The following HEMK2 variants were observed in gnomAD, a reference collection of about 807,000 sequenced individuals.
HEMK2 encodes methyltransferase HEMK2.
At chr21:28,604,127 T>C in the HEMK2 span, among the ~76,000 whole-genome samples, 1 of 152,180 alleles carries the variant, frequency 6.6e-6, no homozygotes, top group Non-Finnish European at 1.5e-5. Flanking sequence ...TCACACAATG[T>C]TTTGGTGCAA....
At chr21:28,797,809 C>T in the HEMK2 span, among the ~76,000 whole-genome samples, 1 of 152,140 alleles carries the variant, frequency 6.6e-6, no homozygotes, top group East Asian at 1.9e-4. Flanking sequence ...AAGGTACTGC[C>T]TGTTGTTGCT....
chr21:28,850,217 CTTTTTTTTTTTT>C, the HEMK2 span, among the ~76,000 whole-genome samples: 4 of 94,440 alleles, frequency 4.2e-5, no homozygotes, highest in South Asian at 1.4e-3. Context: ...ATTCAGCATT[CTTTTTTTTTTTT>C]TTTTTTTTTT....
At chr21:28,608,443 G>T in the HEMK2 span, among the ~76,000 whole-genome samples, 1 of 151,700 alleles carries the variant, frequency 6.6e-6, no homozygotes, top group South Asian at 2.1e-4. Flanking sequence ...TAGGAGGTAG[G>T]ACTAAATTGC....
At chr21:28,880,609 G>A in the HEMK2 span, among the ~76,000 whole-genome samples, 1 of 152,032 alleles carries the variant, frequency 6.6e-6, no homozygotes, top group Non-Finnish European at 1.5e-5. Flanking sequence ...CGGGCACAGT[G>A]GTGGGTGCCT....
the HEMK2 span, among the ~76,000 whole-genome samples, chr21:28,600,073 G>A: frequency 3.9e-5 from 6 of 152,226 alleles, no homozygotes; most frequent in African/African-American, 1.4e-4. Flanking sequence ...GGTGCACAGT[G>A]CAAGCTGCAG....
the HEMK2 span, among the ~76,000 whole-genome samples, chr21:28,749,974 T>C: frequency 6.6e-6 from 1 of 152,250 alleles, no homozygotes; most frequent in African/African-American, 2.4e-5. Context: ...TTAAGTCAGT[T>C]GTTTTGTCAT....
chr21:28,820,461 C>T, the HEMK2 span, among the ~76,000 whole-genome samples: 1 of 152,180 alleles, frequency 6.6e-6, no homozygotes, highest in African/African-American at 2.4e-5. Context: ...ACCTTGACTG[C>T]TCTGTGGGCC....
chr21:28,824,921 G>GC, the HEMK2 span, among the ~76,000 whole-genome samples: 7,463 of 152,180 alleles, frequency 0.049, 249 homozygotes, highest in Middle Eastern at 0.1. Flanking sequence ...CTCCCAGTTT[G>GC]CCCAGAATGT....
chr21:28,715,837 C>A, the HEMK2 span, among the ~76,000 whole-genome samples: 68 of 152,262 alleles, frequency 4.5e-4, no homozygotes, highest in African/African-American at 1.6e-3. Flanking sequence ...AGGCAGTGGT[C>A]CAGTTTCATT....
At chr21:28,812,659 G>A in the HEMK2 span, among the ~76,000 whole-genome samples, 1 of 152,218 alleles carries the variant, frequency 6.6e-6, no homozygotes. Context: ...CATAAAATGA[G>A]TTAGGGAGGA....
At chr21:28,850,096 G>C in the HEMK2 span, among the ~76,000 whole-genome samples, 1 of 151,790 alleles carries the variant, frequency 6.6e-6, no homozygotes, top group Non-Finnish European at 1.5e-5. Context: ...AAGAAAAAAT[G>C]TTAAAGACAG....
chr21:28,595,914 A>C, the HEMK2 span, among the ~76,000 whole-genome samples: 5 of 151,828 alleles, frequency 3.3e-5, no homozygotes, highest in African/African-American at 9.7e-5. Flanking sequence ...CCTCCCAAGT[A>C]GCTGGGACTA....
the HEMK2 span, among the ~76,000 whole-genome samples, chr21:28,661,520 C>G: frequency 6.6e-6 from 1 of 152,004 alleles, no homozygotes; most frequent in African/African-American, 2.4e-5. Flanking sequence ...TTTGCTGTCT[C>G]TGTCTTAACA....
At chr21:28,606,604 G>T in the HEMK2 span, among the ~76,000 whole-genome samples, 1 of 152,010 alleles carries the variant, frequency 6.6e-6, no homozygotes, top group African/African-American at 2.4e-5. Context: ...TGTCCTAAAT[G>T]GAGGCATTTT....
At chr21:28,610,640 G>A in the HEMK2 span, among the ~76,000 whole-genome samples, 1 of 152,138 alleles carries the variant, frequency 6.6e-6, no homozygotes, top group South Asian at 2.1e-4. Flanking sequence ...CCAACAAAGT[G>A]TCATCAAGAG....
chr21:28,666,674 G>C, the HEMK2 span, among the ~76,000 whole-genome samples: 1 of 152,142 alleles, frequency 6.6e-6, no homozygotes, highest in Non-Finnish European at 1.5e-5. Flanking sequence ...TATTTGCCTA[G>C]ATTGGAGCAA....
chr21:28,639,952 G>T, the HEMK2 span, among the ~76,000 whole-genome samples: 1 of 152,176 alleles, frequency 6.6e-6, no homozygotes, highest in African/African-American at 2.4e-5. Context: ...GGATCTGAGG[G>T]GGTGGAGGAG....
At chr21:28,767,374 T>TAA in the HEMK2 span, among the ~76,000 whole-genome samples, 48 of 147,732 alleles carry the variant, frequency 3.2e-4, no homozygotes, top group African/African-American at 1.2e-3. Flanking sequence ...TACTGAAATT[T>TAA]AAAAAAAAAA....
the HEMK2 span, among the ~76,000 whole-genome samples, chr21:28,855,105 G>T: frequency 2.0e-5 from 3 of 152,086 alleles, no homozygotes; most frequent in Non-Finnish European, 4.4e-5. Context: ...ACTGTATGCT[G>T]TCTTCCAGAG....
Sources: allele counts gnomAD v4.1 joint callset (sites outside exome capture counted in the v4.1 genomes callset), GRCh38; gene constraint gnomAD v4.1.1; transcripts MANE v1.5; gene names NCBI Gene and HGNC (gene_info 2026-07-23, HGNC 2026-07-21).